PTGR2: variants seen among roughly 807,000 people sequenced by gnomAD.
PTGR2 encodes 15-oxoprostaglandin 13-reductase.
Under a neutral mutation model 43.4 loss-of-function variants are expected in PTGR2, and 32 were observed. The observed-to-expected ratio is 0.74, with a 90% CI of 0.56 to 0.99. The LOEUF is 0.99. PTGR2 is among the 50% of genes least tolerant of loss of function. The probability of loss-of-function intolerance (pLI) is 0.00; values close to 1 mark genes in which losing one functional copy is unlikely to be tolerated. For synonymous variants in PTGR2, 106 were observed against 139.2 expected (o/e 0.76, Z 1.68); for missense variants, 373 against 420.0 (o/e 0.89, Z 0.98).
intron 3 of PTGR2, among the ~76,000 whole-genome samples, chr14:73,862,541 A>G (rs1312089392): frequency 6.6e-6 from 1 of 152,126 alleles, no homozygotes; most frequent in Non-Finnish European, 1.5e-5. Flanking sequence ...TTGAAACAGA[A>G]GTATATAAAG....
At chr14:73,865,184 A>T (rs905491644) in intron 3 of PTGR2, among the ~76,000 whole-genome samples, 4 of 152,190 alleles carry the variant, frequency 2.6e-5, no homozygotes, top group Non-Finnish European at 4.4e-5. Context: ...AGCTGGTAGC[A>T]TGGCTCAATC....
At chr14:73,880,337 C>T in intron 7 of PTGR2, 161 bp downstream of exon 7, 2 of 758,770 alleles carry the variant, frequency 2.6e-6, no homozygotes, top group Non-Finnish European at 4.3e-6. Flanking sequence ...CTTTGGGATG[C>T]CGAGACGGGT....
intron 3 of PTGR2, 25 bp downstream of exon 3, chr14:73,860,682 G>T: frequency 9.4e-7 from 1 of 1,065,666 alleles, no homozygotes; most frequent in South Asian, 1.4e-5. Flanking sequence ...GTTGTAACTT[G>T]GTGAAAAATA....
chr14:73,853,687 G>GT, intron 1 of PTGR2, among the ~76,000 whole-genome samples: 1 of 152,240 alleles, frequency 6.6e-6, no homozygotes, highest in Admixed American at 6.5e-5. Flanking sequence ...TGGGGTGAGG[G>GT]TGGGGGAGGT....
chr14:73,870,897 T>C (rs1229575584), intron 3 of PTGR2, among the ~76,000 whole-genome samples: 1 of 152,220 alleles, frequency 6.6e-6, no homozygotes. Context: ...TTGTGTGATA[T>C]TGTGATTTAT....
intron 5 of PTGR2, chr14:73,878,299 A>G (rs889069400): frequency 6.6e-5 from 10 of 152,112 alleles, no homozygotes; most frequent in African/African-American, 2.4e-4. Context: ...TTTGGGTCTG[A>G]TTATTTATTC....
In PTGR2 at chr14:73,874,008, GT is replaced by G; in HGVS notation, c.157-11del. 6.4e-7 allele frequency: 1 copy of G among 1,557,080 alleles called. No individual in the cohort carries two copies. The highest frequency in any genetic ancestry group is 8.7e-7 in the Non-Finnish European group (1 of 1,154,240). On this transcript the variant is annotated splice_polypyrimidine_tract_variant and intron_variant, in intron 3 of 9. Transcript: ENST00000555661. Reference sequence around the variant, plus strand: ...CATTATTGGATAAAATTATCTTAATGTTTTCTTTTTTCAGCGTTGTAGAATG... The same window carrying G: ...CATTATTGGATAAAATTATCTTAATGTTTCTTTTTTCAGCGTTGTAGAATG...
At chr14:73,867,088 C>CA (rs200945001) in intron 3 of PTGR2, among the ~76,000 whole-genome samples, 1,891 of 99,972 alleles carry the variant, frequency 0.019, 50 homozygotes, top group African/African-American at 0.054. Flanking sequence ...GACTCTGTCT[C>CA]AAAAAAAAAA....
At chr14:73,874,757 G>A in intron 4 of PTGR2, 1 of 352,372 alleles carries the variant, frequency 2.8e-6, no homozygotes, top group Non-Finnish European at 5.6e-6. Flanking sequence ...GGAAAGGGGA[G>A]GAATTGCATG....
At chr14:73,881,515 C>G (rs888856117) in intron 8 of PTGR2, among the ~76,000 whole-genome samples, 42 of 152,070 alleles carry the variant, frequency 2.8e-4, no homozygotes, top group African/African-American at 9.7e-4. Context: ...TTTAGCTTTA[C>G]TTTCCATAGA....
chr14:73,872,913 G>T (rs1038294357), intron 3 of PTGR2, among the ~76,000 whole-genome samples: 5 of 151,782 alleles, frequency 3.3e-5, no homozygotes, highest in African/African-American at 4.8e-5. Flanking sequence ...GGAAGTGGAG[G>T]TTGCACTGAG....
intron 1 of PTGR2, among the ~76,000 whole-genome samples, chr14:73,852,856 C>T (rs1368430941): frequency 2.6e-5 from 4 of 152,122 alleles, no homozygotes; most frequent in African/African-American, 7.2e-5. Context: ...GACAAAGTCT[C>T]GCTCTGTTGC....
chr14:73,880,237 G>C, intron 7 of PTGR2, 61 bp downstream of exon 7: 1 of 1,566,278 alleles, frequency 6.4e-7, no homozygotes, highest in Non-Finnish European at 8.8e-7. Context: ...TCATAGATGT[G>C]TATGAAATCT....
intron 3 of PTGR2, 82 bp from the exon 4 acceptor site, chr14:73,873,938 CATT>C: frequency 2.0e-6 from 2 of 988,500 alleles, no homozygotes; most frequent in South Asian, 3.4e-5. Context: ...ATATATTACT[CATT>C]ATATGCTTTT....
At chr14:73,878,710 G>A in intron 5 of PTGR2, 1 of 389,018 alleles carries the variant, frequency 2.6e-6, no homozygotes, top group South Asian at 2.2e-5. Context: ...GGTGTACTGT[G>A]TTGCCAGATG....
intron 6 of PTGR2, 135 bp from the exon 7 acceptor site, chr14:73,879,920 C>T (rs753719005): frequency 1.3e-6 from 1 of 754,636 alleles, no homozygotes; most frequent in Non-Finnish European, 2.1e-6. Context: ...TTAAATACCT[C>T]TAACAGGTAA....
At chr14:73,866,829 C>G (rs1391865809) in intron 3 of PTGR2, among the ~76,000 whole-genome samples, 2 of 151,968 alleles carry the variant, frequency 1.3e-5, no homozygotes, top group Non-Finnish European at 2.9e-5. Context: ...TGTCTCACAC[C>G]TGTAATCCCA....
At chr14:73,863,126 A>G (rs931788256) in intron 3 of PTGR2, among the ~76,000 whole-genome samples, 1 of 152,186 alleles carries the variant, frequency 6.6e-6, no homozygotes, top group African/African-American at 2.4e-5. Flanking sequence ...TGTCATTACA[A>G]TCAGTTTTAC....
At chr14:73,876,673 C>T (rs2054873312) in intron 4 of PTGR2, among the ~76,000 whole-genome samples, 1 of 151,870 alleles carries the variant, frequency 6.6e-6, no homozygotes, top group African/African-American at 2.4e-5. Flanking sequence ...GATGGGGTTT[C>T]GCCATGTTGG....
Sources: allele counts gnomAD v4.1 joint callset (sites outside exome capture counted in the v4.1 genomes callset), GRCh38; gene constraint gnomAD v4.1.1; transcripts MANE v1.5; gene names NCBI Gene and HGNC (gene_info 2026-07-23, HGNC 2026-07-21).